Variants in RAP1GAP2 observed in about 807,000 individuals in gnomAD.
RAP1GAP2 encodes RAP1 GTPase activating protein 2, also known as rap1 GTPase-activating protein 2.
In RAP1GAP2, 27 loss-of-function variants were observed where a neutral mutation model predicts 95.0. The ratio of observed to expected loss-of-function variants is 0.28; its 90% CI spans 0.21 to 0.39. The LOEUF is 0.39. Ranked by LOEUF, RAP1GAP2 falls within the 10% of genes least tolerant of loss-of-function variation. The pLI, the probability that RAP1GAP2 is intolerant of heterozygous loss-of-function variation, is 1.00. For missense variants in RAP1GAP2, 771 were observed against 970.0 expected (o/e 0.79, Z 2.72); for synonymous variants, 373 against 380.9 (o/e 0.98, Z 0.24).
intron 17 of RAP1GAP2, among the ~76,000 whole-genome samples, chr17:3,010,859 CTG>C (rs1029258141): frequency 2.0e-5 from 3 of 152,136 alleles, no homozygotes; most frequent in Admixed American, 1.3e-4. Flanking sequence ...GTGGGAGAGA[CTG>C]TGACAGTCAC....
intron 17 of RAP1GAP2, among the ~76,000 whole-genome samples, chr17:3,009,566 A>C (rs979212056): frequency 1.3e-5 from 2 of 152,156 alleles, no homozygotes; most frequent in African/African-American, 4.8e-5. Flanking sequence ...TTCCACCCGC[A>C]CTAGCCTGGG....
intron 3 of RAP1GAP2, among the ~76,000 whole-genome samples, chr17:2,956,748 C>T (rs1161546217): frequency 6.6e-6 from 1 of 152,188 alleles, no homozygotes; most frequent in Non-Finnish European, 1.5e-5. Flanking sequence ...TTCCGCTTCC[C>T]TTTTCTCCTT....
intron 3 of RAP1GAP2, among the ~76,000 whole-genome samples, chr17:2,911,215 C>A (rs1423371745): frequency 6.6e-6 from 1 of 152,028 alleles, no homozygotes; most frequent in African/African-American, 2.4e-5. Context: ...GCTACCCGAC[C>A]TATACGCACC....
intron 2 of RAP1GAP2, among the ~76,000 whole-genome samples, chr17:2,846,566 A>G (rs1239854991): frequency 6.6e-6 from 1 of 151,738 alleles, no homozygotes; most frequent in East Asian, 2.0e-4. Context: ...ATGAGCCACC[A>G]TGCCTGGCCA....
chr17:2,821,084 G>A (rs116952394), intron 2 of RAP1GAP2, among the ~76,000 whole-genome samples: 2,034 of 151,758 alleles, frequency 0.013, 141 homozygotes, highest in Admixed American at 0.12. Flanking sequence ...CTGAATAAGC[G>A]CTTGGAAACC....
chr17:2,980,419 C>G, intron 9 of RAP1GAP2, 54 bp downstream of exon 9: 1 of 1,560,804 alleles, frequency 6.4e-7, no homozygotes, highest in South Asian at 1.1e-5. Context: ...CCAGGGCTGG[C>G]CTCTGGAATG....
At chr17:2,912,330 T>A (rs1271742889) in intron 3 of RAP1GAP2, among the ~76,000 whole-genome samples, 2 of 152,164 alleles carry the variant, frequency 1.3e-5, no homozygotes, top group Admixed American at 1.3e-4. Flanking sequence ...TTCCAGCTTG[T>A]AGCACAGCCC....
chr17:2,995,333 A>C lies in RAP1GAP2; in HGVS notation c.915-4A>C. The C allele has an allele frequency of 3.1e-6, 5 of 1,613,274 alleles. No individual in the cohort carries two copies. Among genetic ancestry groups the C allele is most frequent in the Non-Finnish European group, 4.2e-6 (5 of 1,179,400 alleles). ...CCCCATCTCCTGCCCTGTTTTGTTG[A>C]CAGTTTCCGAGGAGGCCTGGACGTG... On this transcript the variant is annotated splice_polypyrimidine_tract_variant and splice_region_variant and intron_variant, in intron 12 of 24. Transcript: ENST00000254695.
intron 1 of RAP1GAP2, among the ~76,000 whole-genome samples, chr17:2,778,357 G>A (rs904645490): frequency 6.6e-6 from 1 of 152,156 alleles, no homozygotes; most frequent in Admixed American, 6.5e-5. Context: ...CTTGGTTCCT[G>A]TGTTTGATGT....
intron 12 of RAP1GAP2, among the ~76,000 whole-genome samples, chr17:2,994,173 C>T (rs55668321): frequency 0.12 from 18,160 of 152,186 alleles, 1,336 homozygotes; most frequent in Non-Finnish European, 0.17. Context: ...GAATTGTCCA[C>T]GATCACGTGC....
intron 1 of RAP1GAP2, among the ~76,000 whole-genome samples, chr17:2,787,857 G>A (rs1489092140): frequency 2.6e-5 from 4 of 152,116 alleles, no homozygotes; most frequent in African/African-American, 9.7e-5. Flanking sequence ...ATGAGCCACC[G>A]CGCCCAGCCT....
chr17:2,775,949 C>T (rs578001712), upstream of RAP1GAP2, among the ~76,000 whole-genome samples: 1 of 152,186 alleles, frequency 6.6e-6, no homozygotes, highest in East Asian at 1.9e-4. Flanking sequence ...GAGGCCGAGG[C>T]GGGTGGATCA....
chr17:2,981,926 C>T (rs971103518), intron 10 of RAP1GAP2, among the ~76,000 whole-genome samples: 4 of 152,316 alleles, frequency 2.6e-5, no homozygotes, highest in African/African-American at 7.2e-5. Flanking sequence ...GCATCGACTG[C>T]GTCTTCATGG....
rs1229672012 is a variant in RAP1GAP2, at chr17:2,902,427, G to A, written c.81-2857G>A. On this transcript the variant is annotated intron_variant, in intron 2 of 24. Transcript: ENST00000254695. This position sits in a 1 kb window ranked among gnomAD's most constrained non-coding sequence, Gnocchi z 4.1. ...AGACGGGGTTTCGCCACGTTGAACA[G>A]GCTGGTTTGGAACTCCTGACCTCAA... is the stretch of plus-strand genomic sequence containing the variant. 6.6e-6 allele frequency among the ~76,000 whole-genome samples: 1 copy of A among 152,166 alleles called. No homozygotes were observed. The highest frequency in any genetic ancestry group is 1.5e-5 in the Non-Finnish European group (1 of 68,032).
chr17:2,989,663 G>A (rs1420906204), intron 11 of RAP1GAP2, among the ~76,000 whole-genome samples: 1 of 124,758 alleles, frequency 8.0e-6, no homozygotes, highest in Non-Finnish European at 1.7e-5. Flanking sequence ...TTTTCTAAAT[G>A]GATTTTTTTT....
chr17:3,031,770 G>A (rs113656046), intron 23 of RAP1GAP2, among the ~76,000 whole-genome samples: 34 of 127,014 alleles, frequency 2.7e-4, no homozygotes, highest in East Asian at 5.6e-4. Flanking sequence ...CCAGACTATC[G>A]AGAGCTCCAG....
chr17:2,900,529 C>G (rs542997315), intron 2 of RAP1GAP2, among the ~76,000 whole-genome samples: 1 of 150,182 alleles, frequency 6.7e-6, no homozygotes, highest in African/African-American at 2.5e-5. Flanking sequence ...GCAACCTCCC[C>G]CTCCCAGGTT....
intron 17 of RAP1GAP2, among the ~76,000 whole-genome samples, chr17:3,013,303 G>A (rs560049797): frequency 1.3e-5 from 2 of 152,226 alleles, no homozygotes; most frequent in African/African-American, 4.8e-5. Flanking sequence ...CTTGGTCTTT[G>A]GCGTCTTTGC....
intron 2 of RAP1GAP2, among the ~76,000 whole-genome samples, chr17:2,832,307 C>T (rs1338939873): frequency 6.6e-6 from 1 of 151,838 alleles, no homozygotes; most frequent in East Asian, 1.9e-4. Context: ...GCCTGTAATC[C>T]CAGCACTTTG....
Sources: gnomAD v4.1 joint callset for allele counts (sites outside exome capture counted in the v4.1 genomes callset) on GRCh38, gnomAD v4.1.1 for gene constraint, Gnocchi (gnomAD v3.1) non-coding constraint, MANE v1.5 for transcripts, NCBI Gene and HGNC (gene_info 2026-07-23, HGNC 2026-07-21) for gene names.